MGLL: variants seen among roughly 807,000 people sequenced by gnomAD.
The protein encoded by MGLL is monoglyceride lipase.
MGLL carries 7 observed loss-of-function variants against 29.1 expected under a neutral mutation model. The observed-to-expected ratio is 0.24, with a 90% CI of 0.14 to 0.45. The LOEUF is 0.45. Ranked by LOEUF, MGLL falls within the 20% of genes least tolerant of loss-of-function variation. The pLI is 0.99. For synonymous variants in MGLL, 148 were observed against 168.3 expected (o/e 0.88, Z 0.93); for missense variants, 356 against 413.6 (o/e 0.86, Z 1.21).
In MGLL at chr3:127,822,351, C is replaced by T. The variant is rs1559993089; in HGVS notation, c.-33G>A. The T allele has an allele frequency of 3.1e-6, 5 of 1,613,422 alleles. No individual in the cohort carries two copies. The highest frequency in any genetic ancestry group is 4.2e-6 in the Non-Finnish European group (5 of 1,179,356). ...TGGCGTTTGCATTCCACAACCACGA[C>T]AGCCTGGAGAATCAGAACCAGGCAA... On this transcript the variant is annotated 5_prime_UTR_variant, in exon 1 of 8. Coordinates refer to ENST00000265052, the MANE Select transcript of MGLL (RefSeq NM_007283.7).
chr3:127,707,024 A>C (rs1310098544), intron 6 of MGLL, among the ~76,000 whole-genome samples: 2 of 152,224 alleles, frequency 1.3e-5, no homozygotes. Flanking sequence ...CACCGGGCAG[A>C]GGAGACAAAA....
chr3:127,692,687 C>T (rs1475857546), intron 7 of MGLL, among the ~76,000 whole-genome samples: 1 of 152,154 alleles, frequency 6.6e-6, no homozygotes, highest in African/African-American at 2.4e-5. Flanking sequence ...CAGCTCATCC[C>T]AAGCCGACTT....
chr3:127,691,750 C>T lies in MGLL; in HGVS notation c.*448G>A, dbSNP rs756762542. ...TGGAGACAGCAACCACCTCATCACA[C>T]GGCCAGAGGAAGGCCACCAAGCGGA... On this transcript the variant is annotated 3_prime_UTR_variant, in exon 8 of 8. Coordinates refer to ENST00000265052, the MANE Select transcript of MGLL (RefSeq NM_007283.7). The T allele has an allele frequency of 5.4e-5, 12 of 220,610 alleles. No individual in the cohort carries two copies. The highest frequency in any genetic ancestry group is 1.4e-4 in the African/African-American group (6 of 42,452). 13.7% of individuals were successfully genotyped at this position (220,610 alleles called of 1,614,324 possible). A position where few individuals can be genotyped will look rare whatever the true frequency, so the allele number is the denominator to read the frequency against.
At chr3:127,816,806 G>A (rs1384296716) in intron 2 of MGLL, among the ~76,000 whole-genome samples, 1 of 152,244 alleles carries the variant, frequency 6.6e-6, no homozygotes, top group African/African-American at 2.4e-5. Flanking sequence ...GGGAGCAAGG[G>A]AAGGAACTGC....
At chr3:127,779,130 C>G (rs1170573617) in intron 3 of MGLL, among the ~76,000 whole-genome samples, 1 of 144,556 alleles carries the variant, frequency 6.9e-6, no homozygotes, top group Non-Finnish European at 1.6e-5. Flanking sequence ...CTTTGGGAGG[C>G]CGAGGAGAGT....
chr3:127,727,704 TAAAA>T (rs1177079179), intron 3 of MGLL, among the ~76,000 whole-genome samples: 30 of 80,714 alleles, frequency 3.7e-4, no homozygotes, highest in African/African-American at 1.4e-3. Flanking sequence ...AGAGCAAGGC[TAAAA>T]AAAAAAAAAA....
Position 127,694,126 on chromosome 3 carries a change from C to A in MGLL, c.816+849G>T, listed in dbSNP as rs140339091. On this transcript the variant is annotated intron_variant, in intron 7 of 7. Transcript: ENST00000265052. ...CTGTACTAAAAATACAAAAATTAGCCGGGCAGGGTGGCAGGCGCCTGTAAT... is the reference window on the plus strand; with the variant it reads ...CTGTACTAAAAATACAAAAATTAGCAGGGCAGGGTGGCAGGCGCCTGTAAT... Among the ~76,000 whole-genome samples the A allele has an allele frequency of 2.6e-5, 4 of 151,518 alleles. No homozygotes were observed. The South Asian group carries it at 6.2e-4, about 24-fold the overall frequency.
At chr3:127,743,922 C>T (rs1038373463) in intron 3 of MGLL, among the ~76,000 whole-genome samples, 2 of 152,146 alleles carry the variant, frequency 1.3e-5, no homozygotes, top group African/African-American at 2.4e-5. Flanking sequence ...TTCGTCCCCC[C>T]GACTACCACT....
At chr3:127,812,088 G>A (rs542848573) in intron 2 of MGLL, among the ~76,000 whole-genome samples, 13 of 152,310 alleles carry the variant, frequency 8.5e-5, no homozygotes, top group African/African-American at 1.2e-4. Flanking sequence ...CCATGATAAC[G>A]TAATCAGGAC....
chr3:127,733,224 C>T (rs1160273003), intron 3 of MGLL, among the ~76,000 whole-genome samples: 4 of 152,164 alleles, frequency 2.6e-5, no homozygotes, highest in Admixed American at 6.5e-5. Context: ...AGCGCCATGA[C>T]AGTTTACAGA....
intron 2 of MGLL, among the ~76,000 whole-genome samples, chr3:127,784,658 C>T (rs1055881288): frequency 7.9e-5 from 12 of 152,172 alleles, no homozygotes; most frequent in African/African-American, 2.9e-4. Flanking sequence ...GCCCGGTCAG[C>T]ACCCTGAGAG....
chr3:127,810,302 T>C (rs1308420707), intron 2 of MGLL, among the ~76,000 whole-genome samples: 7 of 152,202 alleles, frequency 4.6e-5, no homozygotes, highest in Non-Finnish European at 7.3e-5. Flanking sequence ...TATTTTGTTA[T>C]AGTGGTCCCA....
intron 3 of MGLL, among the ~76,000 whole-genome samples, chr3:127,733,785 A>C (rs913751755): frequency 2.0e-5 from 3 of 152,214 alleles, no homozygotes; most frequent in African/African-American, 7.2e-5. Flanking sequence ...CTGGGTAGAA[A>C]GGACCCTATG....
intron 2 of MGLL, among the ~76,000 whole-genome samples, chr3:127,818,697 A>G (rs1368535210): frequency 6.6e-6 from 1 of 152,224 alleles, no homozygotes; most frequent in East Asian, 1.9e-4. Flanking sequence ...GGTCCATGTC[A>G]GAAGATTGCG....
chr3:127,782,072 A>G (rs2077137497), intron 2 of MGLL, among the ~76,000 whole-genome samples, 177 bp from the exon 3 acceptor site: 1 of 152,190 alleles, frequency 6.6e-6, no homozygotes, highest in Non-Finnish European at 1.5e-5. Flanking sequence ...ATACAAAAAA[A>G]TTAGCCGGGA....
intron 4 of MGLL, among the ~76,000 whole-genome samples, chr3:127,721,492 A>G (rs1219249447): frequency 3.6e-5 from 5 of 140,226 alleles, no homozygotes; most frequent in Non-Finnish European, 6.1e-5. Flanking sequence ...CCATCCCGAC[A>G]GGCTTAATAG....
At chr3:127,746,429 C>T (rs1005066509) in intron 3 of MGLL, among the ~76,000 whole-genome samples, 6 of 152,142 alleles carry the variant, frequency 3.9e-5, no homozygotes, top group Non-Finnish European at 8.8e-5. Flanking sequence ...TTCACCCTGC[C>T]ACGATCTTCC....
intron 4 of MGLL, among the ~76,000 whole-genome samples, 165 bp downstream of exon 4, chr3:127,722,265 C>G (rs1386527350): frequency 6.6e-6 from 1 of 152,248 alleles, no homozygotes; most frequent in Non-Finnish European, 1.5e-5. Context: ...TCCCTTGTTT[C>G]CTAAGCACGG....
At chr3:127,741,095 G>A (rs2076331826) in intron 3 of MGLL, among the ~76,000 whole-genome samples, 1 of 152,252 alleles carries the variant, frequency 6.6e-6, no homozygotes, top group African/African-American at 2.4e-5. Flanking sequence ...GTGGCCAGGT[G>A]CCTGAGCTCA....
Sources: allele counts gnomAD v4.1 joint callset (sites outside exome capture counted in the v4.1 genomes callset), GRCh38; gene constraint gnomAD v4.1.1; transcripts MANE v1.5; gene names NCBI Gene and HGNC (gene_info 2026-07-23, HGNC 2026-07-21).